CAMK2B: variants seen among roughly 807,000 people sequenced by gnomAD.
CAMK2B encodes the protein calcium/calmodulin-dependent protein kinase type II subunit beta.
CAMK2B carries 27 observed loss-of-function variants against 93.7 expected under a neutral mutation model. The observed-to-expected ratio is 0.29, with a 90% CI of 0.21 to 0.40. The LOEUF (loss-of-function observed/expected upper bound fraction) is 0.40. Ranked by LOEUF, CAMK2B falls within the 10% of genes least tolerant of loss-of-function variation. The pLI is 1.00. For missense variants in CAMK2B, 568 were observed against 895.8 expected (o/e 0.63, Z 4.67); for synonymous variants, 374 against 358.8 (o/e 1.04, Z -0.48).
chr7:44,232,188 C>A (rs1349896809), intron 16 of CAMK2B, among the ~76,000 whole-genome samples: 1 of 60,438 alleles, frequency 1.7e-5, no homozygotes, highest in Non-Finnish European at 3.1e-5. Context: ...GTGGGGGGTC[C>A]CCACAGAGGC....
At chr7:44,325,233 C>T (rs1797224398) in intron 1 of CAMK2B, 124 bp downstream of exon 1, 1 of 407,986 alleles carries the variant, frequency 2.5e-6, no homozygotes, top group Non-Finnish European at 3.3e-6. Context: ...CGCTTGGGCC[C>T]GGAGCCCAGA....
rs562635428 is a variant in CAMK2B, at chr7:44,296,364, T to C, written c.66-12139A>G. Among the ~76,000 whole-genome samples the C allele has an allele frequency of 4.4e-4, 67 of 152,050 alleles. 1 individual carries two copies. In the South Asian group the frequency reaches 0.014, roughly 32 times the overall value. ...AAACCAACCAGTGAGTTTGAAAACA[T>C]ATCAATAGGAACTTCTAAAACTAAA... On this transcript the variant is annotated intron_variant, in intron 1 of 23. Transcript: ENST00000395749.
Position 44,242,197 on chromosome 7 carries a change from T to C in CAMK2B, c.819+21A>G, listed in dbSNP as rs1281500482. 3 of 1,605,152 alleles carry C rather than the reference T, an allele frequency of 1.9e-6. No individual in the cohort carries two copies. In the East Asian group the frequency reaches 6.7e-5, roughly 36 times the overall value. ...TCCACCAGGAGCCCCCTCCCCACCA[T>C]GGGCACCAAGGGCGACTCACGCAGA... On this transcript the variant is annotated intron_variant, in intron 10 of 23. Transcript: ENST00000395749.
At chr7:44,260,013 G>A (rs1341892465) in intron 3 of CAMK2B, among the ~76,000 whole-genome samples, 1 of 152,194 alleles carries the variant, frequency 6.6e-6, no homozygotes, top group African/African-American at 2.4e-5. Context: ...GACTCAGCGG[G>A]CAGTCTGGCT....
chr7:44,281,380 C>T (rs2097101002), intron 2 of CAMK2B, among the ~76,000 whole-genome samples: 1 of 152,222 alleles, frequency 6.6e-6, no homozygotes, highest in Non-Finnish European at 1.5e-5. Flanking sequence ...CACACTTGAT[C>T]ATCCCCGTGC....
At position 44,220,827 on chromosome 7, in the gene CAMK2B, C is replaced by A. The variant is rs1163572646; in HGVS notation, c.1672G>T (p.Ala558Ser). Residue 558 changes from alanine to serine, a missense_variant and splice_region_variant, in exon 21 of 24, where the codon GCG becomes TCG. This residue lies in a region of CAMK2B where 116 missense variants were observed against 188.0 expected (regional missense o/e 0.62). Transcript: ENST00000395749. ...AVNNGDFEAY[A>S]KICDPGLTSF... Reference sequence around the variant, plus strand: ...CCCCCCCCAGCCCCAGGGACTCACGCGTAGGCCTCAAAGTCACCGTTGTTG... The same window carrying A: ...CCCCCCCCAGCCCCAGGGACTCACGAGTAGGCCTCAAAGTCACCGTTGTTG... The A allele has an allele frequency of 7.0e-6, 11 of 1,566,538 alleles. No homozygotes were observed. Among genetic ancestry groups the A allele is most frequent in the Non-Finnish European group, 9.5e-6 (11 of 1,154,842 alleles).
chr7:44,302,157 G>A (rs1173548782), intron 1 of CAMK2B, among the ~76,000 whole-genome samples: 1 of 152,138 alleles, frequency 6.6e-6, no homozygotes. Flanking sequence ...TAGATAATAT[G>A]AACCAACTCC....
chr7:44,253,761 C>CT (rs1184379145), intron 5 of CAMK2B, among the ~76,000 whole-genome samples: 5 of 151,874 alleles, frequency 3.3e-5, no homozygotes, highest in Non-Finnish European at 5.9e-5. Flanking sequence ...TGCCTGGCTA[C>CT]TTTTTTTTAA....
chr7:44,250,336 G>T (rs182218150), intron 5 of CAMK2B, among the ~76,000 whole-genome samples: 18 of 152,334 alleles, frequency 1.2e-4, no homozygotes, highest in Admixed American at 5.9e-4. Context: ...TCTCTAGGAA[G>T]GGCCGATCCC....
intron 9 of CAMK2B, 22 bp from the exon 10 acceptor site, chr7:44,242,362 C>T (rs772150097): frequency 5.6e-6 from 9 of 1,607,094 alleles, no homozygotes; most frequent in Non-Finnish European, 6.0e-6. Context: ...AACAGCGCCC[C>T]GGCCGGGCCT....
chr7:44,230,782 C>G (rs185691566), intron 17 of CAMK2B, among the ~76,000 whole-genome samples: 297 of 152,296 alleles, frequency 2.0e-3, no homozygotes, highest in African/African-American at 6.4e-3. Context: ...ATGCGGTGAC[C>G]GAGACTGCCC....
chr7:44,297,861 C>G (rs930483685), intron 1 of CAMK2B, among the ~76,000 whole-genome samples: 2 of 152,216 alleles, frequency 1.3e-5, no homozygotes, highest in Non-Finnish European at 2.9e-5. Context: ...CAGTGCCTCA[C>G]GTCTGTAATC....
intron 2 of CAMK2B, among the ~76,000 whole-genome samples, chr7:44,270,681 T>G (rs1287709248): frequency 3.9e-5 from 6 of 152,202 alleles, no homozygotes; most frequent in African/African-American, 1.4e-4. Flanking sequence ...CCCTGTCAAG[T>G]AGCGCTGTTC....
Position 44,248,084 on chromosome 7 carries a change from G to A in CAMK2B, c.342-892C>T, listed in dbSNP as rs1562894864. On this transcript the variant is annotated intron_variant, in intron 5 of 23. Transcript: ENST00000395749. The surrounding 1 kb of genome is among the most constrained non-coding windows in gnomAD (Gnocchi z 4.1). ...GCTGCCACATTGGCTGGTGGCTGCC[G>A]TGTTGGGTGGCTCAGTTCCAGCAGC... 6.6e-6 allele frequency among the ~76,000 whole-genome samples: 1 copy of A among 152,170 alleles called. No homozygotes were observed. Among genetic ancestry groups the A allele is most frequent in the South Asian group, 2.1e-4 (1 of 4,834 alleles).
chr7:44,282,516 C>A (rs897078064), intron 2 of CAMK2B, among the ~76,000 whole-genome samples: 11 of 152,192 alleles, frequency 7.2e-5, no homozygotes, highest in Non-Finnish European at 1.5e-5. Context: ...CTGGGACACA[C>A]ACATGGGGAC....
In CAMK2B at chr7:44,286,350, G is replaced by A. The variant is rs150962619; in HGVS notation, c.66-2125C>T. Among the ~76,000 whole-genome samples the A allele has an allele frequency of 4.6e-5, 7 of 152,280 alleles. No homozygotes were observed. In the East Asian group the frequency reaches 7.7e-4, roughly 17 times the overall value. On this transcript the variant is annotated intron_variant, in intron 1 of 23. Transcript: ENST00000395749. This position sits in a 1 kb window ranked among gnomAD's most constrained non-coding sequence, Gnocchi z 4.0. ...AAGGGAGCAGGGAGTCTGGGCCTCCGTGCGCCAGAACGCAACCACACACTG... is the reference window on the plus strand; with the variant it reads ...AAGGGAGCAGGGAGTCTGGGCCTCCATGCGCCAGAACGCAACCACACACTG...
chr7:44,226,304 A>G (rs1204114365), intron 20 of CAMK2B, among the ~76,000 whole-genome samples: 1 of 152,142 alleles, frequency 6.6e-6, no homozygotes, highest in Non-Finnish European at 1.5e-5. Flanking sequence ...CTATACACAT[A>G]TGTCATACAC....
chr7:44,307,882 T>A (rs777170027), intron 1 of CAMK2B, among the ~76,000 whole-genome samples: 50 of 152,150 alleles, frequency 3.3e-4, no homozygotes, highest in Non-Finnish European at 6.3e-4. Context: ...CATTTTTTTT[T>A]AACTGGGGGG....
At chr7:44,283,213 G>A (rs1365207717) in intron 2 of CAMK2B, among the ~76,000 whole-genome samples, 3 of 152,228 alleles carry the variant, frequency 2.0e-5, no homozygotes, top group South Asian at 4.1e-4. Context: ...CAGCTGCCCC[G>A]GGAGGCCTCT....
Sources: gnomAD v4.1 joint callset for allele counts (sites outside exome capture counted in the v4.1 genomes callset) on GRCh38, gnomAD v4.1.1 for gene constraint, gnomAD v4.1.1 regional missense constraint, Gnocchi (gnomAD v3.1) non-coding constraint, MANE v1.5 for transcripts, NCBI Gene and HGNC (gene_info 2026-07-23, HGNC 2026-07-21) for gene names.